PLCB1: variants seen among roughly 807,000 people sequenced by gnomAD.
The protein encoded by PLCB1 is 1-phosphatidylinositol 4,5-bisphosphate phosphodiesterase beta-1.
In PLCB1, 46 loss-of-function variants were observed where a neutral mutation model predicts 161.8. That is an observed-to-expected ratio of 0.28 (90% CI 0.22 to 0.36). The LOEUF (loss-of-function observed/expected upper bound fraction) is 0.36, where lower values mean the gene tolerates loss of function less well. Ranked by LOEUF, PLCB1 falls within the 10% of genes least tolerant of loss-of-function variation. The pLI is 1.00. For synonymous variants in PLCB1, 517 were observed against 503.7 expected, an observed-to-expected ratio of 1.03 and a Z score of -0.35; for missense variants, 1,016 against 1,472.5, an observed-to-expected ratio of 0.69 and a Z score of 5.07.
chr20:8,558,054 G>C (rs935669713), intron 3 of PLCB1, among the ~76,000 whole-genome samples: 4 of 151,688 alleles, frequency 2.6e-5, no homozygotes, highest in Admixed American at 6.6e-5. Context: ...AAGTAGTGAG[G>C]CTTAATGAGT....
At chr20:8,672,530 C>A (rs1292499169) in intron 9 of PLCB1, among the ~76,000 whole-genome samples, 3 of 151,838 alleles carry the variant, frequency 2.0e-5, no homozygotes, top group African/African-American at 7.3e-5. Context: ...GGAGCAGTTC[C>A]ATGCTAGTTC....
rs572837643 is a variant in PLCB1 at position 8,485,659 on chromosome 20, T to G, written c.246+114209T>G. On this transcript the variant is annotated intron_variant, in intron 3 of 31. Transcript: ENST00000338037. ...GGACCTCATCTGGTGAACTTGGGCA[T>G]GAATGAGCACAGCAAATTAGTGGCA... Among the ~76,000 whole-genome samples, 5 of 152,332 alleles carry G rather than the reference T, an allele frequency of 3.3e-5. No individual in the cohort carries two copies. The East Asian group carries it at 9.7e-4, about 29-fold the overall frequency.
chr20:8,280,756 G>T (rs926051831), intron 2 of PLCB1, among the ~76,000 whole-genome samples: 10 of 152,172 alleles, frequency 6.6e-5, no homozygotes, highest in African/African-American at 2.2e-4. Context: ...CAAATTAAAA[G>T]GAAAATATAA....
chr20:8,167,433 A>G (rs1004381886), intron 2 of PLCB1, among the ~76,000 whole-genome samples: 15 of 152,216 alleles, frequency 9.9e-5, no homozygotes, highest in Non-Finnish European at 2.1e-4. Flanking sequence ...CTTCATTAGA[A>G]TTGAGGGTCA....
At chr20:8,257,633 T>C (rs1981494347) in intron 2 of PLCB1, among the ~76,000 whole-genome samples, 1 of 152,170 alleles carries the variant, frequency 6.6e-6, no homozygotes, top group Non-Finnish European at 1.5e-5. Flanking sequence ...AGGGTGATTG[T>C]GAGAATTCCG....
At chr20:8,311,897 G>A (rs1224358370) in intron 2 of PLCB1, among the ~76,000 whole-genome samples, 1 of 152,146 alleles carries the variant, frequency 6.6e-6, no homozygotes, top group African/African-American at 2.4e-5. Flanking sequence ...GTGATGAGAA[G>A]ACCTTGCATA....
At position 8,684,982 on chromosome 20, in the gene PLCB1, G is replaced by A. The variant is rs370525961; in HGVS notation, c.913G>A (p.Gly305Arg). Residue 305 changes from glycine (G) to arginine (R), a missense_variant, in exon 10 of 32, where the codon GGA becomes AGA. Gly to Arg is a moderately radical substitution (Grantham distance 125). Coordinates refer to ENST00000338037, the MANE Select transcript of PLCB1 (RefSeq NM_015192.4). ...GCGCTATCTGAGTGGAGAAGAAAAC[G>A]GAGTCGTTTCACCTGAGAAACTGGA... ...FMRYLSGEEN[G>R]VVSPEKLDLN... The A allele has an allele frequency of 4.8e-5, 78 of 1,613,522 alleles. No homozygotes were observed. The highest frequency in any genetic ancestry group is 6.3e-5 in the Non-Finnish European group (74 of 1,179,492).
intron 2 of PLCB1, among the ~76,000 whole-genome samples, chr20:8,313,488 A>G (rs944565411): frequency 6.6e-6 from 1 of 152,190 alleles, no homozygotes; most frequent in African/African-American, 2.4e-5. Flanking sequence ...TTATTGACTA[A>G]AGAATGTCAC....
intron 31 of PLCB1, among the ~76,000 whole-genome samples, chr20:8,790,562 T>C (rs1296080555): frequency 6.6e-6 from 1 of 152,190 alleles, no homozygotes; most frequent in African/African-American, 2.4e-5. Context: ...CCCTGGAGAA[T>C]CAGAGACTAA....
intron 25 of PLCB1, among the ~76,000 whole-genome samples, chr20:8,763,789 G>C (rs1982167521): frequency 6.6e-6 from 1 of 152,046 alleles, no homozygotes; most frequent in South Asian, 2.1e-4. Flanking sequence ...AAAGTGCTGG[G>C]ATTACAGGCA....
At chr20:8,527,713 T>G (rs1984637737) in intron 3 of PLCB1, among the ~76,000 whole-genome samples, 1 of 152,114 alleles carries the variant, frequency 6.6e-6, no homozygotes, top group African/African-American at 2.4e-5. Context: ...TTGTATTTTA[T>G]ATACGTAAAA....
At chr20:8,288,533 G>A (rs1430782826) in intron 2 of PLCB1, among the ~76,000 whole-genome samples, 1 of 152,170 alleles carries the variant, frequency 6.6e-6, no homozygotes. Flanking sequence ...CTTTGGGGTA[G>A]GAATTGCACC....
chr20:8,544,186 A>T lies in PLCB1; in HGVS notation c.247-84108A>T, dbSNP rs141137273. On this transcript the variant is annotated intron_variant, in intron 3 of 31. Transcript: ENST00000338037. ...GTTCTAAAGTAAAAGTTGAAAATTT[A>T]AAAAAAAGGCAGATGAGAGAACAGC... is the stretch of plus-strand genomic sequence containing the variant. Among the ~76,000 whole-genome samples the T allele has an allele frequency of 6.1e-3, 930 of 152,112 alleles. 3 individuals carry two copies. Among genetic ancestry groups the T allele is most frequent in the Non-Finnish European group, 0.01 (700 of 68,004 alleles).
chr20:8,755,835 G>A (rs552651858), intron 23 of PLCB1, among the ~76,000 whole-genome samples: 36 of 152,306 alleles, frequency 2.4e-4, no homozygotes, highest in African/African-American at 7.2e-4. Context: ...TAAATGAGGA[G>A]GGTTACATAA....
intron 3 of PLCB1, among the ~76,000 whole-genome samples, chr20:8,584,873 T>C (rs1335873848): frequency 6.6e-6 from 1 of 152,074 alleles, no homozygotes; most frequent in African/African-American, 2.4e-5. Context: ...GTATTTTTAA[T>C]AGAGATGATG....
intron 2 of PLCB1, among the ~76,000 whole-genome samples, chr20:8,303,252 C>A (rs910105503): frequency 8.5e-5 from 13 of 152,140 alleles, no homozygotes; most frequent in Non-Finnish European, 1.5e-4. Context: ...GGGGTTTCAA[C>A]GTAAAGGTCA....
chr20:8,617,497 A>G (rs1450784898), intron 3 of PLCB1, among the ~76,000 whole-genome samples: 2 of 152,092 alleles, frequency 1.3e-5, no homozygotes, highest in Non-Finnish European at 2.9e-5. Flanking sequence ...GAAATTGGCT[A>G]TGTTGGGAGT....
chr20:8,757,922 C>A (rs986098062), intron 24 of PLCB1, among the ~76,000 whole-genome samples: 25 of 151,896 alleles, frequency 1.6e-4, no homozygotes, highest in Non-Finnish European at 3.2e-4. Context: ...TTCTACGCAG[C>A]TAACTTTGAC....
chr20:8,588,704 C>G (rs1987061300), intron 3 of PLCB1, among the ~76,000 whole-genome samples: 1 of 152,144 alleles, frequency 6.6e-6, no homozygotes, highest in Admixed American at 6.5e-5. Context: ...CAAACCTGTC[C>G]ACACCTTGAT....
Sources: gnomAD v4.1 joint callset for allele counts (sites outside exome capture counted in the v4.1 genomes callset) on GRCh38, gnomAD v4.1.1 for gene constraint, MANE v1.5 for transcripts, NCBI Gene and HGNC (gene_info 2026-07-23, HGNC 2026-07-21) for gene names.